The following MAP3K2 variants were observed in gnomAD, a reference collection of about 807,000 sequenced individuals.
The protein encoded by MAP3K2 is MAP/ERK kinase kinase 2.
MAP3K2 carries 24 observed loss-of-function variants against 80.3 expected under a neutral mutation model. That is an observed-to-expected ratio of 0.30 (90% confidence interval 0.22 to 0.42). The LOEUF (loss-of-function observed/expected upper bound fraction) is 0.42. Ranked by LOEUF, MAP3K2 falls within the 10% of genes least tolerant of loss-of-function variation. MAP3K2 has a pLI of 1.00. For missense variants in MAP3K2, 608 were observed against 750.1 expected, an observed-to-expected ratio of 0.81 and a Z score of 2.21; for synonymous variants, 244 against 253.7, an observed-to-expected ratio of 0.96 and a Z score of 0.36.
intron 1 of MAP3K2, among the ~76,000 whole-genome samples, chr2:127,370,308 C>T (rs1441240368): frequency 6.6e-6 from 1 of 152,212 alleles, no homozygotes; most frequent in Non-Finnish European, 1.5e-5. Context: ...CTTTCACTGG[C>T]TTCCTGTGTC....
At chr2:127,376,593 T>C (rs1027711792) in intron 1 of MAP3K2, among the ~76,000 whole-genome samples, 1 of 152,144 alleles carries the variant, frequency 6.6e-6, no homozygotes, top group African/African-American at 2.4e-5. Flanking sequence ...GCTGCTCCCA[T>C]GTGAGGTCCC....
rs1040072831 is a variant in MAP3K2 at position 127,302,186 on chromosome 2, A to G, written c.*5393T>C. 1.3e-5 allele frequency: 2 copies of G among 152,216 alleles called. No homozygotes were observed. Among genetic ancestry groups the G allele is most frequent in the African/African-American group, 4.8e-5 (2 of 41,462 alleles). The allele number at this position is 152,216 out of a possible 1,614,324, so 9.4% of individuals were successfully genotyped here. On this transcript the variant is annotated 3_prime_UTR_variant, in exon 17 of 17. Coordinates refer to ENST00000682094, the MANE Select transcript of MAP3K2 (RefSeq NM_001371910.2). ...TAAGAATTATATATAAGATTATTTT[A>G]CATATACACAAATTGAATTTTAATC...
chr2:127,324,752 G>A (rs1686096059), intron 9 of MAP3K2, among the ~76,000 whole-genome samples: 1 of 152,094 alleles, frequency 6.6e-6, no homozygotes, highest in Non-Finnish European at 1.5e-5. Context: ...AAACTTAAAT[G>A]TGCATTCCCA....
At chr2:127,356,357 G>A (rs371388831) in intron 1 of MAP3K2, among the ~76,000 whole-genome samples, 3 of 151,378 alleles carry the variant, frequency 2.0e-5, no homozygotes, top group African/African-American at 7.3e-5. Flanking sequence ...TTTTAGTTTC[G>A]CAGTGCATAT....
rs535712295 is a variant in MAP3K2 at position 127,362,503 on chromosome 2, A to G, written c.-65-19309T>C. Among the ~76,000 whole-genome samples, 24 of 152,356 alleles carry G rather than the reference A, an allele frequency of 1.6e-4. No individual in the cohort carries two copies. The South Asian group carries it at 4.6e-3, about 29-fold the overall frequency. On this transcript the variant is annotated intron_variant, in intron 1 of 16. Transcript: ENST00000682094. ...TTTTAAATGTTTACAAATGTTTACA[A>G]ATCTTAATTTTTTTTCTATATTTGA...
rs1309731923 is a variant in MAP3K2, at chr2:127,299,794, T to C, written c.*7785A>G. On this transcript the variant is annotated 3_prime_UTR_variant, in exon 17 of 17. Coordinates refer to ENST00000682094, the MANE Select transcript of MAP3K2 (RefSeq NM_001371910.2). ...ATACTTTTGATCAGCCAGCTGAAAATATATTCATATAGTAAATAATCTCTC... is the reference window on the plus strand; with the variant it reads ...ATACTTTTGATCAGCCAGCTGAAAACATATTCATATAGTAAATAATCTCTC... 3 of 152,068 alleles carry C rather than the reference T, an allele frequency of 2.0e-5. No individual in the cohort carries two copies. Among genetic ancestry groups the C allele is most frequent in the Non-Finnish European group, 4.4e-5 (3 of 67,974 alleles). The allele number at this position is 152,068 out of a possible 1,614,324, so 9.4% of individuals were successfully genotyped here.
At position 127,303,201 on chromosome 2, in the gene MAP3K2, C is replaced by G. The variant is rs1685630498; in HGVS notation, c.*4378G>C. On this transcript the variant is annotated 3_prime_UTR_variant, in exon 17 of 17. Transcript: ENST00000682094. ...ACTTAGTAATAAAACAGTATGATCT[C>G]AAGGAACTGTCCTGATCTTAGTATA... 6.6e-6 allele frequency: 1 copy of G among 151,918 alleles called. No individual in the cohort carries two copies. The highest frequency in any genetic ancestry group is 6.6e-5 in the Admixed American group (1 of 15,236). The allele number at this position is 151,918 out of a possible 1,614,324, so 9.4% of individuals were successfully genotyped here.
intron 1 of MAP3K2, among the ~76,000 whole-genome samples, chr2:127,362,112 T>C (rs879701999): frequency 6.6e-6 from 1 of 152,216 alleles, no homozygotes; most frequent in Non-Finnish European, 1.5e-5. Flanking sequence ...TACTCATCCA[T>C]ACTTTCTCTC....
chr2:127,341,792 A>C (rs959942697), intron 2 of MAP3K2, among the ~76,000 whole-genome samples: 1 of 152,026 alleles, frequency 6.6e-6, no homozygotes, highest in African/African-American at 2.4e-5. Context: ...TCGGCCTCCC[A>C]AAGTGCTGGG....
chr2:127,348,983 T>C (rs1271962908), intron 1 of MAP3K2, among the ~76,000 whole-genome samples: 1 of 152,132 alleles, frequency 6.6e-6, no homozygotes, highest in Admixed American at 6.5e-5. Flanking sequence ...AATTCAAATT[T>C]TTACAAAAAC....
chr2:127,322,350 G>A lies in MAP3K2; in HGVS notation c.839-98C>T, dbSNP rs1034757753. On this transcript the variant is annotated intron_variant, in intron 11 of 16. Transcript: ENST00000682094. The surrounding 1 kb of genome is among the most constrained non-coding windows in gnomAD (Gnocchi z 4.2). ...AATGTAGAGAATAGAAATTTGTCCTGTGACTAGGCTAAGAAACTCAAATAG... is the reference window on the plus strand; with the variant it reads ...AATGTAGAGAATAGAAATTTGTCCTATGACTAGGCTAAGAAACTCAAATAG... 2.3e-5 allele frequency: 17 copies of A among 741,148 alleles called. No individual in the cohort carries two copies. The highest frequency in any genetic ancestry group is 2.2e-4 in the East Asian group (8 of 36,942). The allele number at this position is 741,148 out of a possible 1,614,324, so 45.9% of individuals were successfully genotyped here. A position where few individuals can be genotyped will look rare whatever the true frequency, so the allele number is the denominator to read the frequency against.
chr2:127,340,428 G>T (rs914329714), intron 2 of MAP3K2, among the ~76,000 whole-genome samples: 2 of 152,122 alleles, frequency 1.3e-5, no homozygotes, highest in African/African-American at 4.8e-5. Flanking sequence ...GGAGGCCGAG[G>T]GGGGCAGATC....
chr2:127,348,101 C>A (rs1004601157), intron 1 of MAP3K2, among the ~76,000 whole-genome samples: 13 of 152,080 alleles, frequency 8.5e-5, no homozygotes, highest in Admixed American at 8.5e-4. Flanking sequence ...ATATTATTGA[C>A]CATGTGTGGT....
At chr2:127,325,048 G>A (rs933707810) in intron 9 of MAP3K2, among the ~76,000 whole-genome samples, 1 of 152,090 alleles carries the variant, frequency 6.6e-6, no homozygotes, top group African/African-American at 2.4e-5. Context: ...AAATAACTCA[G>A]GAAATTTCCA....
At position 127,387,525 on chromosome 2, in the gene MAP3K2, C is replaced by T. The variant is rs1476765086; in HGVS notation, c.-139G>A. The T allele has an allele frequency of 3.0e-6, 3 of 984,930 alleles. No individual in the cohort carries two copies. The highest frequency in any genetic ancestry group is 1.7e-5 in the African/African-American group (1 of 57,192). The allele number at this position is 984,930 out of a possible 1,614,324, so 61.0% of individuals were successfully genotyped here. A position where few individuals can be genotyped will look rare whatever the true frequency, so the allele number is the denominator to read the frequency against. The stretch of plus-strand genomic sequence containing the variant: ...CCCCCGCCGAGCCCGCCCCTCCGCC[C>T]CAGCGCGGCCTGTCACCGCGGCCCC... On this transcript the variant is annotated 5_prime_UTR_variant, in exon 1 of 17. Coordinates refer to ENST00000682094, the MANE Select transcript of MAP3K2 (RefSeq NM_001371910.2).
intron 1 of MAP3K2, among the ~76,000 whole-genome samples, chr2:127,345,812 T>C (rs1686586150): frequency 6.6e-6 from 1 of 152,076 alleles, no homozygotes; most frequent in Non-Finnish European, 1.5e-5. Context: ...GAAAATACTT[T>C]GAGATAAAAA....
chr2:127,312,721 G>C (rs1174255937), intron 15 of MAP3K2, among the ~76,000 whole-genome samples: 1 of 152,144 alleles, frequency 6.6e-6, no homozygotes, highest in Non-Finnish European at 1.5e-5. Context: ...CCAGCGCTTT[G>C]AGAGGCCGAG....
intron 1 of MAP3K2, among the ~76,000 whole-genome samples, chr2:127,348,031 A>G (rs1037523889): frequency 7.9e-5 from 12 of 152,156 alleles, no homozygotes; most frequent in Admixed American, 7.2e-4. Context: ...ACTATTTATA[A>G]GAACCCAAAT....
chr2:127,340,984 T>TG (rs1346129489), intron 2 of MAP3K2, among the ~76,000 whole-genome samples: 2 of 151,434 alleles, frequency 1.3e-5, no homozygotes, highest in South Asian at 2.1e-4. Context: ...TCTTTCTTTT[T>TG]GGGGGGGACG....
Sources: allele counts gnomAD v4.1 joint callset (sites outside exome capture counted in the v4.1 genomes callset), GRCh38; gene constraint gnomAD v4.1.1; non-coding constraint Gnocchi (gnomAD v3.1); transcripts MANE v1.5; gene names NCBI Gene and HGNC (gene_info 2026-07-23, HGNC 2026-07-21).